KIAA1217: variants seen among roughly 807,000 people sequenced by gnomAD.
KIAA1217 encodes the protein sickle tail protein homolog.
A neutral mutation model predicts 163.9 loss-of-function variants in KIAA1217; 88 were observed. That is an observed-to-expected ratio of 0.54 (90% CI 0.45 to 0.64). The LOEUF is 0.64. KIAA1217 is among the 30% of genes least tolerant of loss of function. The pLI, the probability that KIAA1217 is intolerant of heterozygous loss-of-function variation, is 0.00. For synonymous variants in KIAA1217, 903 were observed against 923.1 expected (o/e 0.98, Z 0.39); for missense variants, 2,372 against 2,475.0 (o/e 0.96, Z 0.88).
chr10:23,824,656 AAAATAT>A (rs1837803537), intron 1 of KIAA1217, among the ~76,000 whole-genome samples: 27 of 82,294 alleles, frequency 3.3e-4, no homozygotes, highest in African/African-American at 9.1e-4. Flanking sequence ...AAAAATAAAA[AAAATAT>A]ATATATATAT....
At chr10:23,843,270 T>C (rs925377765) in intron 1 of KIAA1217, among the ~76,000 whole-genome samples, 1 of 152,170 alleles carries the variant, frequency 6.6e-6, no homozygotes, top group Non-Finnish European at 1.5e-5. Context: ...CAGTAATATC[T>C]TAAGTAATTT....
chr10:23,785,406 G>A (rs900655195), intron 1 of KIAA1217, among the ~76,000 whole-genome samples: 3 of 152,140 alleles, frequency 2.0e-5, no homozygotes, highest in Non-Finnish European at 2.9e-5. Context: ...TCTGTTATGG[G>A]ACTTGACATA....
chr10:24,209,308 C>T (rs1363319034), intron 1 of KIAA1217, 45 bp downstream of exon 1: 11 of 1,434,870 alleles, frequency 7.7e-6, no homozygotes, highest in Non-Finnish European at 1.1e-5. Context: ...GGGACGCGTG[C>T]CCCTTGCCGC....
chr10:24,320,016 A>AT (rs1450915533), intron 2 of KIAA1217, among the ~76,000 whole-genome samples: 3 of 152,126 alleles, frequency 2.0e-5, no homozygotes, highest in Non-Finnish European at 4.4e-5. Flanking sequence ...AAACTCCCAA[A>AT]TTTTTTTTGC....
intron 1 of KIAA1217, among the ~76,000 whole-genome samples, chr10:23,754,551 A>G (rs893055349): frequency 5.3e-5 from 8 of 152,202 alleles, no homozygotes; most frequent in African/African-American, 1.4e-4. Flanking sequence ...TGATTCTGAC[A>G]GCCTTTAGCA....
At chr10:24,200,452 T>C (rs907539291) in intron 2 of KIAA1217, among the ~76,000 whole-genome samples, 32 of 152,242 alleles carry the variant, frequency 2.1e-4, no homozygotes, top group African/African-American at 7.5e-4. Context: ...CAAGCCACCA[T>C]GCCACTGAGC....
At chr10:24,279,703 G>A (rs1011028070) in intron 2 of KIAA1217, among the ~76,000 whole-genome samples, 15 of 152,228 alleles carry the variant, frequency 9.9e-5, no homozygotes, top group Non-Finnish European at 1.3e-4. Flanking sequence ...AAACTAAAAG[G>A]TAATACATTC....
rs530225434 is a variant in KIAA1217 at position 23,832,182 on chromosome 10, A to G, written c.-321+136948A>G. 1.9e-4 allele frequency among the ~76,000 whole-genome samples: 29 copies of G among 152,334 alleles called. No individual in the cohort carries two copies. In the South Asian group the frequency reaches 6.0e-3, roughly 32 times the overall value. On this transcript the variant is annotated intron_variant, in intron 1 of 18. Transcript: ENST00000376462. ...CTTATACTTCTGACTAACAAGCAAC[A>G]AAGCAGGTTCCTGTGACACTTCCTT... is the stretch of plus-strand genomic sequence containing the variant.
intron 6 of KIAA1217, among the ~76,000 whole-genome samples, chr10:24,488,451 A>G (rs1391981178): frequency 2.6e-5 from 4 of 152,206 alleles, no homozygotes; most frequent in African/African-American, 7.2e-5. Flanking sequence ...CTTCTTGCTC[A>G]TGCCATAAGC....
At chr10:24,150,001 T>C (rs1017495403) in intron 2 of KIAA1217, among the ~76,000 whole-genome samples, 1 of 152,064 alleles carries the variant, frequency 6.6e-6, no homozygotes, top group Non-Finnish European at 1.5e-5. Context: ...CTAAGAGATA[T>C]TCTGTATTTT....
intron 10 of KIAA1217, among the ~76,000 whole-genome samples, chr10:24,517,772 A>T (rs2070426040): frequency 6.6e-6 from 1 of 152,226 alleles, no homozygotes; most frequent in African/African-American, 2.4e-5. Context: ...AGGTGGGTAG[A>T]TCACTTGAGG....
chr10:23,867,441 G>A (rs1291033426), intron 1 of KIAA1217, among the ~76,000 whole-genome samples: 1 of 152,110 alleles, frequency 6.6e-6, no homozygotes, highest in Non-Finnish European at 1.5e-5. Context: ...CTTCCACAAT[G>A]GTTGAACTAG....
Position 24,098,164 on chromosome 10 carries a change from G to C in KIAA1217, c.-171+90790G>C, listed in dbSNP as rs372283510. ...AAGAGCAGCTCTCAGTAAAGCATAT[G>C]GGATCTTATGGAAACAGAAAAGCTG... On this transcript the variant is annotated intron_variant, in intron 2 of 18. Transcript: ENST00000376462. 3.3e-5 allele frequency among the ~76,000 whole-genome samples: 5 copies of C among 152,050 alleles called. No individual in the cohort carries two copies. The East Asian group carries it at 9.7e-4, about 30-fold the overall frequency.
chr10:23,959,914 T>C (rs1157104880), intron 1 of KIAA1217, among the ~76,000 whole-genome samples: 2 of 143,946 alleles, frequency 1.4e-5, no homozygotes, highest in Non-Finnish European at 3.0e-5. Context: ...TAGACTTCTT[T>C]TTTTTTTTTT....
intron 11 of KIAA1217, among the ~76,000 whole-genome samples, chr10:24,520,652 ATATAT>A (rs1194960010): frequency 4.3e-5 from 3 of 69,006 alleles, no homozygotes; most frequent in African/African-American, 1.2e-4. Flanking sequence ...AAAAAAAAAA[ATATAT>A]ATATATATAT....
At chr10:23,866,240 T>C (rs2131147825) in intron 1 of KIAA1217, among the ~76,000 whole-genome samples, 1 of 152,250 alleles carries the variant, frequency 6.6e-6, no homozygotes, top group Admixed American at 6.5e-5. Context: ...TTAAACCTTC[T>C]CATCTCAATG....
chr10:23,807,787 G>C lies in KIAA1217; in HGVS notation c.-321+112553G>C, dbSNP rs138517582. Among the ~76,000 whole-genome samples the C allele has an allele frequency of 3.8e-3, 585 of 152,298 alleles. 9 individuals are homozygous for C. Among genetic ancestry groups the C allele is most frequent in the African/African-American group, 0.013 (540 of 41,570 alleles). On this transcript the variant is annotated intron_variant, in intron 1 of 18. Coordinates refer to the KIAA1217 transcript ENST00000376462. ...TCAGAAATGAGGAGGGAACTCAGAG[G>C]CAGGGCAGTGAGCAGGAACTGGCAT...
chr10:23,803,443 A>G (rs1460758828), intron 1 of KIAA1217, among the ~76,000 whole-genome samples: 2 of 152,176 alleles, frequency 1.3e-5, no homozygotes, highest in Non-Finnish European at 2.9e-5. Flanking sequence ...CCCATGCCTC[A>G]ATCTGGGACA....
chr10:24,504,412 C>T (rs1232121197), intron 9 of KIAA1217, among the ~76,000 whole-genome samples: 1 of 152,160 alleles, frequency 6.6e-6, no homozygotes, highest in Non-Finnish European at 1.5e-5. Context: ...TTCCCTGGGT[C>T]CCATTCAGCT....
Sources: gnomAD v4.1 joint callset for allele counts (sites outside exome capture counted in the v4.1 genomes callset) on GRCh38, gnomAD v4.1.1 for gene constraint, MANE v1.5 for transcripts, NCBI Gene and HGNC (gene_info 2026-07-23, HGNC 2026-07-21) for gene names.